The following IQCM variants were observed in gnomAD, a reference collection of about 807,000 sequenced individuals.
The protein encoded by IQCM is IQ domain-containing protein M.
IQCM carries 45 observed loss-of-function variants against 57.6 expected under a neutral mutation model. The ratio of observed to expected loss-of-function variants is 0.78; its 90% confidence interval spans 0.62 to 1.00. The LOEUF (loss-of-function observed/expected upper bound fraction) is 1.00, where lower values mean the gene tolerates loss of function less well. IQCM is among the 50% of genes least tolerant of loss of function. IQCM has a pLI of 0.00. For synonymous variants in IQCM, 148 were observed against 158.9 expected (o/e 0.93, Z 0.51); for missense variants, 468 against 511.6 (o/e 0.91, Z 0.82).
intron 12 of IQCM, among the ~76,000 whole-genome samples, chr4:149,511,968 C>T (rs1002500823): frequency 2.6e-5 from 4 of 152,232 alleles, no homozygotes; most frequent in South Asian, 4.1e-4. Flanking sequence ...ACCTCCTTTG[C>T]GCCAGATACA....
At chr4:149,521,341 G>C (rs1479388315) in intron 12 of IQCM, among the ~76,000 whole-genome samples, 5 of 151,854 alleles carry the variant, frequency 3.3e-5, no homozygotes, top group Non-Finnish European at 7.4e-5. Flanking sequence ...AGGGAGGGAG[G>C]GGAAAAATAA....
intron 13 of IQCM, among the ~76,000 whole-genome samples, chr4:149,353,534 T>C (rs1012650845): frequency 1.8e-4 from 27 of 152,158 alleles, no homozygotes; most frequent in African/African-American, 6.3e-4. Context: ...GAAACAACCT[T>C]AATATATTTC....
intron 12 of IQCM, among the ~76,000 whole-genome samples, chr4:149,452,245 T>A (rs951586216): frequency 6.6e-6 from 1 of 151,550 alleles, no homozygotes; most frequent in African/African-American, 2.4e-5. Flanking sequence ...AAATACTCAA[T>A]ATTGTTAAGA....
intron 8 of IQCM, among the ~76,000 whole-genome samples, chr4:149,618,069 A>T (rs1224638305): frequency 6.6e-6 from 1 of 152,218 alleles, no homozygotes; most frequent in East Asian, 1.9e-4. Context: ...AGCAAAAATG[A>T]TAAAGCTAGA....
intron 5 of IQCM, among the ~76,000 whole-genome samples, chr4:149,715,643 C>T (rs571370408): frequency 3.5e-4 from 54 of 152,260 alleles, no homozygotes; most frequent in African/African-American, 7.7e-4. Context: ...CTGGTGGGTC[C>T]GGAGTTCTTG....
intron 2 of IQCM, among the ~76,000 whole-genome samples, chr4:149,814,417 AT>A (rs1774863336): frequency 6.6e-6 from 1 of 151,964 alleles, no homozygotes. Context: ...CACCAGAATT[AT>A]TTTCACAGTC....
At chr4:149,769,809 C>T (rs1300920191) in intron 2 of IQCM, among the ~76,000 whole-genome samples, 3 of 151,852 alleles carry the variant, frequency 2.0e-5, no homozygotes, top group Admixed American at 1.3e-4. Flanking sequence ...AATAAAACTG[C>T]AAAGAGAAAT....
intron 7 of IQCM, among the ~76,000 whole-genome samples, chr4:149,644,854 G>T (rs1357010575): frequency 3.3e-5 from 5 of 152,182 alleles, no homozygotes; most frequent in African/African-American, 1.2e-4. Context: ...AGAAATAAGA[G>T]AAGCACTTCT....
At chr4:149,641,963 T>C (rs1464815065) in intron 7 of IQCM, among the ~76,000 whole-genome samples, 3 of 152,156 alleles carry the variant, frequency 2.0e-5, no homozygotes, top group Non-Finnish European at 4.4e-5. Flanking sequence ...AATTTCACTG[T>C]AGATAAATTA....
chr4:149,569,190 G>A (rs985648354), intron 9 of IQCM, among the ~76,000 whole-genome samples: 6 of 152,128 alleles, frequency 3.9e-5, no homozygotes, highest in African/African-American at 1.4e-4. Context: ...ATAATAAATA[G>A]CTGTTGTTTT....
At chr4:149,508,171 G>T (rs1376498352) in intron 12 of IQCM, among the ~76,000 whole-genome samples, 1 of 152,046 alleles carries the variant, frequency 6.6e-6, no homozygotes. Flanking sequence ...GGCCCTCATG[G>T]AGAACCTCTG....
chr4:149,725,695 C>T (rs892094132), intron 5 of IQCM, among the ~76,000 whole-genome samples: 3 of 152,062 alleles, frequency 2.0e-5, no homozygotes, highest in African/African-American at 4.8e-5. Context: ...CCAAAAGAGA[C>T]TATCATTAGA....
chr4:149,704,641 G>A (rs1764021292), intron 5 of IQCM, among the ~76,000 whole-genome samples: 1 of 151,856 alleles, frequency 6.6e-6, no homozygotes, highest in African/African-American at 2.4e-5. Context: ...AGGCAGAAGA[G>A]ATAAATCTGC....
intron 12 of IQCM, among the ~76,000 whole-genome samples, chr4:149,524,453 T>C (rs1352316154): frequency 4.6e-5 from 7 of 151,900 alleles, no homozygotes; most frequent in Non-Finnish European, 2.9e-5. Flanking sequence ...TAAAGAAACA[T>C]TTAAAATAAA....
At position 149,578,481 on chromosome 4, in the gene IQCM, A is replaced by G. The variant is rs75129753; in HGVS notation, c.749+9449T>C. 4.2e-3 allele frequency among the ~76,000 whole-genome samples: 632 copies of G among 151,886 alleles called. 7 individuals carry two copies. Among genetic ancestry groups the G allele is most frequent in the African/African-American group, 0.014 (597 of 41,514 alleles). On this transcript the variant is annotated intron_variant, in intron 9 of 13. Transcript: ENST00000636793. Reference sequence around the variant, plus strand: ...AGTTGTCAATTTTTATCTATGAAAAAGGGAACACAGTAAATTGTTCTGCTC... The same window carrying G: ...AGTTGTCAATTTTTATCTATGAAAAGGGGAACACAGTAAATTGTTCTGCTC...
Position 149,774,693 on chromosome 4 carries a change from CT to C in IQCM, c.-48-31955del, listed in dbSNP as rs990036027. On this transcript the variant is annotated intron_variant, in intron 2 of 13. Coordinates refer to ENST00000636793, the MANE Select transcript of IQCM (RefSeq NM_001363507.2). ...TTCCAGCTTTGGAGGCCCCCTCCCT[CT>C]GTCTCTGTACGAGGGAGCTTCTTCC... 3.3e-4 allele frequency among the ~76,000 whole-genome samples: 50 copies of C among 151,304 alleles called. 1 individual carries two copies. Among genetic ancestry groups the C allele is most frequent in the African/African-American group, 1.2e-3 (49 of 41,220 alleles).
At chr4:149,538,888 C>G (rs892759408) in intron 12 of IQCM, among the ~76,000 whole-genome samples, 1 of 151,730 alleles carries the variant, frequency 6.6e-6, no homozygotes, top group Non-Finnish European at 1.5e-5. Flanking sequence ...ATTCCACAGC[C>G]TGGGGAAAAA....
At chr4:149,710,447 G>A (rs530574615) in intron 5 of IQCM, among the ~76,000 whole-genome samples, 52 of 152,182 alleles carry the variant, frequency 3.4e-4, no homozygotes, top group East Asian at 1.9e-4. Flanking sequence ...ACAATTCATC[G>A]TTGTTGGCCC....
chr4:149,578,155 A>C (rs1751841711), intron 9 of IQCM, among the ~76,000 whole-genome samples: 1 of 151,794 alleles, frequency 6.6e-6, no homozygotes, highest in African/African-American at 2.4e-5. Flanking sequence ...GAATCATTTC[A>C]TCTGTGAAGA....
Sources: gnomAD v4.1 joint callset for allele counts (sites outside exome capture counted in the v4.1 genomes callset) on GRCh38, gnomAD v4.1.1 for gene constraint, MANE v1.5 for transcripts, NCBI Gene and HGNC (gene_info 2026-07-23, HGNC 2026-07-21) for gene names.